Variants in DPYSL2 observed in about 807,000 individuals in gnomAD.
DPYSL2 encodes dihydropyrimidinase like 2.
Under a neutral mutation model 69.9 loss-of-function variants are expected in DPYSL2, and 13 were observed. That is an observed-to-expected ratio of 0.19 (90% CI 0.12 to 0.30). The LOEUF (loss-of-function observed/expected upper bound fraction) is 0.30, where lower values mean the gene tolerates loss of function less well. Ranked by LOEUF, DPYSL2 falls within the 10% of genes least tolerant of loss-of-function variation. The pLI is 1.00. For synonymous variants in DPYSL2, 326 were observed against 359.1 expected (o/e 0.91, Z 1.04); for missense variants, 587 against 918.9 (o/e 0.64, Z 4.67).
chr8:26,638,484 G>T (rs1802966476), intron 8 of DPYSL2, among the ~76,000 whole-genome samples: 2 of 152,156 alleles, frequency 1.3e-5, no homozygotes, highest in Admixed American at 1.3e-4. Context: ...GAGGTGAAAC[G>T]AATGAGAACT....
chr8:26,569,364 AC>A (rs1199234757), intron 1 of DPYSL2, among the ~76,000 whole-genome samples: 37,267 of 111,960 alleles, frequency 0.33, 6,603 homozygotes, highest in African/African-American at 0.44. Context: ...CAAAAAAAAA[AC>A]AAAAACAAAA....
Position 26,582,488 on chromosome 8 carries a change from G to T in DPYSL2, c.443+431G>T, listed in dbSNP as rs779642744. Among the ~76,000 whole-genome samples the T allele has an allele frequency of 7.2e-5, 11 of 152,224 alleles. No individual in the cohort carries two copies. The highest frequency in any genetic ancestry group is 1.5e-4 in the Non-Finnish European group (10 of 68,044). ...TTCATCAAGAATCCAAGTTGGAGGGGCCAAAGAAAGATACCAAGTTAATTA... is the reference window on the plus strand; with the variant it reads ...TTCATCAAGAATCCAAGTTGGAGGGTCCAAAGAAAGATACCAAGTTAATTA... On this transcript the variant is annotated intron_variant, in intron 2 of 13. Coordinates refer to ENST00000521913, the MANE Select transcript of DPYSL2 (RefSeq NM_001197293.3). This position sits in a 1 kb window ranked among gnomAD's most constrained non-coding sequence, Gnocchi z 4.1.
chr8:26,578,416 C>T, intron 1 of DPYSL2: 1 of 1,555,910 alleles, frequency 6.4e-7, no homozygotes, highest in Non-Finnish European at 8.6e-7. Flanking sequence ...CTTTCTGTTG[C>T]TAACGGAGGC....
intron 7 of DPYSL2, among the ~76,000 whole-genome samples, chr8:26,630,030 G>C (rs1029175051): frequency 2.0e-5 from 3 of 152,080 alleles, no homozygotes; most frequent in Non-Finnish European, 4.4e-5. Flanking sequence ...TACACACACA[G>C]ACACATTTTA....
At position 26,586,502 on chromosome 8, in the gene DPYSL2, G is replaced by A. The variant is rs950538926; in HGVS notation, c.628+2519G>A. ...CTGGGTCTGCCTCTTCCCTCCACAC[G>A]CTCGCCCCGTGCTTAGGCCCCCACT... On this transcript the variant is annotated intron_variant, in intron 3 of 13. Coordinates refer to ENST00000521913, the MANE Select transcript of DPYSL2 (RefSeq NM_001197293.3). This position sits in a 1 kb window ranked among gnomAD's most constrained non-coding sequence, Gnocchi z 4.7. 5.3e-5 allele frequency among the ~76,000 whole-genome samples: 8 copies of A among 152,054 alleles called. No individual in the cohort carries two copies. The highest frequency in any genetic ancestry group is 1.0e-4 in the Non-Finnish European group (7 of 68,016).
At position 26,542,625 on chromosome 8, in the gene DPYSL2, C is replaced by T. The variant is rs559128803; in HGVS notation, c.354+27946C>T. Reference sequence around the variant, plus strand: ...ATTTTTTTGTAGAGATGGGGTCTCACTCTGTTTCTCAGGTATGTTTTAAAC... The same window carrying T: ...ATTTTTTTGTAGAGATGGGGTCTCATTCTGTTTCTCAGGTATGTTTTAAAC... On this transcript the variant is annotated intron_variant, in intron 1 of 13. Transcript: ENST00000521913. Among the ~76,000 whole-genome samples the T allele has an allele frequency of 2.5e-4, 38 of 152,086 alleles. 1 individual carries two copies. Among genetic ancestry groups the T allele is most frequent in the Admixed American group, 1.6e-3 (24 of 15,250 alleles).
rs78385725 is a variant in DPYSL2 at position 26,538,371 on chromosome 8, C to G, written c.354+23692C>G. Reference sequence around the variant, plus strand: ...GTGGAGCATGAAAACTGAGGATGACCACATAGAAAAGTGTAGGAAGCATTT... The same window carrying G: ...GTGGAGCATGAAAACTGAGGATGACGACATAGAAAAGTGTAGGAAGCATTT... On this transcript the variant is annotated intron_variant, in intron 1 of 13. Coordinates refer to ENST00000521913, the MANE Select transcript of DPYSL2 (RefSeq NM_001197293.3). 2.3e-3 allele frequency among the ~76,000 whole-genome samples: 346 copies of G among 152,200 alleles called. 11 individuals carry two copies. The East Asian group carries it at 0.06, about 26-fold the overall frequency.
chr8:26,553,952 G>A (rs1008697789), intron 1 of DPYSL2, among the ~76,000 whole-genome samples: 11 of 140,272 alleles, frequency 7.8e-5, no homozygotes, highest in African/African-American at 1.6e-4. Context: ...ATGCTGGAGT[G>A]CAGTGGCACG....
chr8:26,524,835 A>AAAAAAAAAAAAAAAAAAAAAAAAAAAAG (rs1563374151), intron 1 of DPYSL2, among the ~76,000 whole-genome samples: 1 of 74,184 alleles, frequency 1.3e-5, no homozygotes. Context: ...AAAAAAAAAA[A>AAAAAAAAAAAAAAAAAAAAAAAAAAAAG]AGAGAGAGAA....
rs965289712 is a variant in DPYSL2 at position 26,578,964 on chromosome 8, C to G, written c.355-3005C>G. On this transcript the variant is annotated intron_variant, in intron 1 of 13. Coordinates refer to ENST00000521913, the MANE Select transcript of DPYSL2 (RefSeq NM_001197293.3). ...GGAACCGGTTTTGGGTGCCCCCCCC[C>G]CGGTTTTCTCGCCCTGTAGTTCGGG... Among the ~76,000 whole-genome samples the G allele has an allele frequency of 5.6e-3, 858 of 152,326 alleles. 3 individuals carry two copies. Among genetic ancestry groups the G allele is most frequent in the Non-Finnish European group, 9.4e-3 (637 of 68,030 alleles).
chr8:26,538,769 A>G (rs1274947292), intron 1 of DPYSL2, among the ~76,000 whole-genome samples: 1 of 152,074 alleles, frequency 6.6e-6, no homozygotes, highest in East Asian at 1.9e-4. Context: ...AGACACCAGC[A>G]CAGTCACTGC....
Position 26,586,128 on chromosome 8 carries a change from C to T in DPYSL2, c.628+2145C>T, listed in dbSNP as rs1009821098. On this transcript the variant is annotated intron_variant, in intron 3 of 13. Transcript: ENST00000521913. This position sits in a 1 kb window ranked among gnomAD's most constrained non-coding sequence, Gnocchi z 4.7. Reference sequence around the variant, plus strand: ...AAAAAAAAACAAACAAAAAAATTCTCGAGTGAATGGTCAGTGTCATCTATC... The same window carrying T: ...AAAAAAAAACAAACAAAAAAATTCTTGAGTGAATGGTCAGTGTCATCTATC... Among the ~76,000 whole-genome samples the T allele has an allele frequency of 1.3e-5, 2 of 152,078 alleles. No homozygotes were observed. The highest frequency in any genetic ancestry group is 1.9e-4 in the East Asian group (1 of 5,176).
rs1801592923 is a variant in DPYSL2 at position 26,586,029 on chromosome 8, G to A, written c.628+2046G>A. 6.6e-6 allele frequency among the ~76,000 whole-genome samples: 1 copy of A among 152,132 alleles called. No homozygotes were observed. The highest frequency in any genetic ancestry group is 1.5e-5 in the Non-Finnish European group (1 of 68,026). The stretch of plus-strand genomic sequence containing the variant: ...TGAGGCAGGAGAATCTTTGAACCTG[G>A]GAGGCGGAGGTTGCAGGGAGCTGAG... On this transcript the variant is annotated intron_variant, in intron 3 of 13. Transcript: ENST00000521913. This position sits in a 1 kb window ranked among gnomAD's most constrained non-coding sequence, Gnocchi z 4.7.
chr8:26,575,761 G>T (rs908267987), intron 1 of DPYSL2, among the ~76,000 whole-genome samples: 1 of 152,148 alleles, frequency 6.6e-6, no homozygotes, highest in African/African-American at 2.4e-5. Context: ...ACAGGGACGG[G>T]GGTAGGGAAT....
chr8:26,591,650 C>G lies in DPYSL2; in HGVS notation c.628+7667C>G, dbSNP rs1479668815. ...TTCTCATGTGAAACCTTGCGTGGAA[C>G]CCCCTCCACCTGAGATATGAGACTG... On this transcript the variant is annotated intron_variant, in intron 3 of 13. Coordinates refer to ENST00000521913, the MANE Select transcript of DPYSL2 (RefSeq NM_001197293.3). This position sits in a 1 kb window ranked among gnomAD's most constrained non-coding sequence, Gnocchi z 5.8. 1.9e-4 allele frequency among the ~76,000 whole-genome samples: 29 copies of G among 152,178 alleles called. No homozygotes were observed. Among genetic ancestry groups the G allele is most frequent in the Admixed American group, 1.5e-3 (23 of 15,282 alleles).
At chr8:26,567,615 G>T (rs1017703006) in intron 1 of DPYSL2, among the ~76,000 whole-genome samples, 1 of 152,262 alleles carries the variant, frequency 6.6e-6, no homozygotes, top group Non-Finnish European at 1.5e-5. Flanking sequence ...CCCAGTGGGG[G>T]CATAAGAGAA....
At chr8:26,573,836 CAAAA>C (rs145546482) in intron 1 of DPYSL2, among the ~76,000 whole-genome samples, 9 of 82,410 alleles carry the variant, frequency 1.1e-4, no homozygotes, top group Admixed American at 1.5e-4. Context: ...GACTCCACCT[CAAAA>C]AAAAAAAAAA....
Position 26,619,721 on chromosome 8 carries a change from ATTTTTATGTTATT to A in DPYSL2, c.629-4416_629-4404del, listed in dbSNP as rs1279785290. 1.3e-5 allele frequency: 2 copies of A among 152,152 alleles called. No individual in the cohort carries two copies. The highest frequency in any genetic ancestry group is 6.6e-5 in the Admixed American group (1 of 15,266). 9.4% of individuals were successfully genotyped at this position (152,152 alleles called of 1,614,324 possible). ...GGTAAGGTCTGGGAACCTGTGTTTT[ATTTTTATGTTATT>A]TTTTTGAGACAGGGTCTTGCTGTGT... On this transcript the variant is annotated intron_variant, in intron 3 of 13. Coordinates refer to ENST00000521913, the MANE Select transcript of DPYSL2 (RefSeq NM_001197293.3). This position sits in a 1 kb window ranked among gnomAD's most constrained non-coding sequence, Gnocchi z 4.8.
intron 1 of DPYSL2, among the ~76,000 whole-genome samples, chr8:26,550,949 T>C (rs1248216969): frequency 6.6e-6 from 1 of 152,136 alleles, no homozygotes; most frequent in Non-Finnish European, 1.5e-5. Context: ...CCTCTGGAAG[T>C]GAGAGAGTTT....
Sources: allele counts gnomAD v4.1 joint callset (sites outside exome capture counted in the v4.1 genomes callset), GRCh38; gene constraint gnomAD v4.1.1; non-coding constraint Gnocchi (gnomAD v3.1); transcripts MANE v1.5; gene names NCBI Gene and HGNC (gene_info 2026-07-23, HGNC 2026-07-21).